USO1: variants seen among roughly 807,000 people sequenced by gnomAD.
The protein encoded by USO1 is USO1 vesicle transport factor, also known as general vesicular transport factor p115.
Under a neutral mutation model 124.5 loss-of-function variants are expected in USO1, and 57 were observed. That is an observed-to-expected ratio of 0.46 (90% CI 0.37 to 0.57). The LOEUF is 0.57. Among genes scored for constraint, USO1 ranks in the 20% least tolerant of loss-of-function variants. The pLI is 0.00. For synonymous variants in USO1, 369 were observed against 362.8 expected (o/e 1.02, Z -0.19); for missense variants, 900 against 1,040.6 (o/e 0.86, Z 1.86).
At chr4:75,745,736 C>T (rs146156707) in intron 1 of USO1, among the ~76,000 whole-genome samples, 1 of 151,916 alleles carries the variant, frequency 6.6e-6, no homozygotes, top group Non-Finnish European at 1.5e-5. Context: ...CCCGTTTCTA[C>T]TAAAATTACA....
intron 4 of USO1, among the ~76,000 whole-genome samples, chr4:75,759,410 A>C (rs1193274881): frequency 1.4e-5 from 2 of 147,506 alleles, no homozygotes; most frequent in Admixed American, 6.7e-5. Context: ...CCTGGCCAAC[A>C]TGGTGAAACC....
chr4:75,779,708 C>A (rs2149173600), intron 8 of USO1, among the ~76,000 whole-genome samples: 1 of 152,298 alleles, frequency 6.6e-6, no homozygotes, highest in East Asian at 1.9e-4. Flanking sequence ...TGCGTGAGAT[C>A]TAAGGAAAGA....
chr4:75,756,694 C>T (rs998518251), intron 3 of USO1, among the ~76,000 whole-genome samples: 1 of 151,558 alleles, frequency 6.6e-6, no homozygotes, highest in East Asian at 1.9e-4. Context: ...TTAATAGAGA[C>T]GGGGTTTCTC....
At chr4:75,790,903 T>G in intron 12 of USO1, 106 bp downstream of exon 12, 8 of 1,273,570 alleles carry the variant, frequency 6.3e-6, no homozygotes, top group Non-Finnish European at 8.1e-6. Context: ...CTTTGCATGC[T>G]TAGGAGAGAA....
At chr4:75,746,405 T>C (rs1184724358) in intron 1 of USO1, among the ~76,000 whole-genome samples, 2 of 152,212 alleles carry the variant, frequency 1.3e-5, no homozygotes, top group Non-Finnish European at 2.9e-5. Context: ...GAATGGACAA[T>C]GTGGCACAAT....
At chr4:75,738,783 GTATATA>G (rs1254404153) in intron 1 of USO1, among the ~76,000 whole-genome samples, 1 of 151,638 alleles carries the variant, frequency 6.6e-6, no homozygotes, top group Admixed American at 6.6e-5. Flanking sequence ...GCCGGGCCAA[GTATATA>G]TATATATTTT....
intron 12 of USO1, 53 bp from the exon 13 acceptor site, chr4:75,793,637 T>C: frequency 6.5e-7 from 1 of 1,544,944 alleles, no homozygotes; most frequent in Non-Finnish European, 8.7e-7. Context: ...ATTTAAAATT[T>C]GGTTTACGTC....
intron 1 of USO1, among the ~76,000 whole-genome samples, chr4:75,731,240 G>C (rs1254374052): frequency 6.6e-6 from 1 of 152,094 alleles, no homozygotes; most frequent in African/African-American, 2.4e-5. Flanking sequence ...TTTTAATAAA[G>C]TCTTCTCAGT....
At chr4:75,808,658 C>A (rs1384997179) in intron 20 of USO1, among the ~76,000 whole-genome samples, 1 of 151,744 alleles carries the variant, frequency 6.6e-6, no homozygotes, top group African/African-American at 2.4e-5. Context: ...TCTTACTGTT[C>A]TTGTTTTTGT....
In USO1 at chr4:75,799,778, T is replaced by C. The variant is rs766605311; in HGVS notation, c.1563+46T>C. On this transcript the variant is annotated intron_variant, in intron 14 of 23. Coordinates refer to ENST00000514213, the MANE Select transcript of USO1 (RefSeq NM_003715.4). ...ACGTACATGTAAGTATTTATATCTTTTTTAGTTTTTCTCCTCAATTAGAAG... is the reference window on the plus strand; with the variant it reads ...ACGTACATGTAAGTATTTATATCTTCTTTAGTTTTTCTCCTCAATTAGAAG... 72 of 1,601,036 alleles carry C rather than the reference T, an allele frequency of 4.5e-5. No homozygotes were observed. In the Middle Eastern group the frequency reaches 1.2e-3, roughly 27 times the overall value.
intron 1 of USO1, among the ~76,000 whole-genome samples, chr4:75,741,674 G>A (rs1443879086): frequency 6.9e-6 from 1 of 145,754 alleles, no homozygotes; most frequent in Non-Finnish European, 1.5e-5. Flanking sequence ...GCGCAATATC[G>A]GCTCACTGCA....
chr4:75,724,908 G>A (rs775692777), intron 1 of USO1, 23 bp downstream of exon 1: 20 of 1,612,114 alleles, frequency 1.2e-5, no homozygotes, highest in Admixed American at 5.0e-5. Context: ...GCGGGTCTGG[G>A]ACTTGGGAAG....
At chr4:75,805,621 C>G (rs1381858747) in intron 19 of USO1, among the ~76,000 whole-genome samples, 1 of 151,636 alleles carries the variant, frequency 6.6e-6, no homozygotes, top group Non-Finnish European at 1.5e-5. Context: ...GCAGGAGAAT[C>G]TCTTAAACCC....
intron 4 of USO1, among the ~76,000 whole-genome samples, chr4:75,769,740 CTTTT>C (rs34266261): frequency 1.4e-5 from 2 of 139,996 alleles, no homozygotes; most frequent in Non-Finnish European, 3.1e-5. Context: ...TTTTAGTGAT[CTTTT>C]TTTTTTTTTT....
chr4:75,792,500 G>A (rs1185400614), intron 12 of USO1, among the ~76,000 whole-genome samples: 1 of 151,964 alleles, frequency 6.6e-6, no homozygotes, highest in African/African-American at 2.4e-5. Flanking sequence ...TCACGCCATT[G>A]CACTCCAGCC....
At chr4:75,744,688 G>A (rs1443642263) in intron 1 of USO1, among the ~76,000 whole-genome samples, 1 of 152,140 alleles carries the variant, frequency 6.6e-6, no homozygotes, top group Non-Finnish European at 1.5e-5. Context: ...CCAAAGTGCT[G>A]GGATTAGAGG....
At chr4:75,759,212 G>C (rs1295572740) in intron 4 of USO1, among the ~76,000 whole-genome samples, 2 of 125,362 alleles carry the variant, frequency 1.6e-5, no homozygotes, top group Non-Finnish European at 3.2e-5. Flanking sequence ...TGATCCTTTG[G>C]ATAAACAGTA....
intron 8 of USO1, 55 bp from the exon 9 acceptor site, chr4:75,782,625 G>A: frequency 2.7e-6 from 4 of 1,497,970 alleles, no homozygotes. Context: ...ATGTTTGGGA[G>A]TTTTGCGTCA....
chr4:75,793,934 C>T (rs769799811), intron 13 of USO1, 33 bp downstream of exon 13: 9 of 1,612,240 alleles, frequency 5.6e-6, no homozygotes, highest in South Asian at 3.3e-5. Flanking sequence ...AAGTTCTATA[C>T]ATTTTGATGT....
Sources: allele counts gnomAD v4.1 joint callset (sites outside exome capture counted in the v4.1 genomes callset), GRCh38; gene constraint gnomAD v4.1.1; transcripts MANE v1.5; gene names NCBI Gene and HGNC (gene_info 2026-07-23, HGNC 2026-07-21).